Variants in TENM1 observed in about 807,000 individuals in gnomAD.
The protein encoded by TENM1 is teneurin transmembrane protein 1.
In TENM1, 35 loss-of-function variants were observed where a neutral mutation model predicts 174.8. The observed-to-expected ratio is 0.20, with a 90% CI of 0.15 to 0.27. The LOEUF (loss-of-function observed/expected upper bound fraction) is 0.27. Among genes scored for constraint, TENM1 ranks in the 10% least tolerant of loss-of-function variants. The pLI, the probability that TENM1 is intolerant of heterozygous loss-of-function variation, is 1.00. For synonymous variants in TENM1, 781 were observed against 798.7 expected, an observed-to-expected ratio of 0.98 and a Z score of 0.37; for missense variants, 1,633 against 2,130.1, an observed-to-expected ratio of 0.77 and a Z score of 4.59.
At chrX:124,936,816 G>A (rs975111417) in intron 1 of TENM1, among the ~76,000 whole-genome samples, 4 of 111,499 alleles carry the variant, frequency 3.6e-5, no homozygotes, top group African/African-American at 1.3e-4. Context: ...GGAGGCCGAC[G>A]TGGGCAGATC....
At chrX:124,725,901 T>C (rs7059812) in intron 4 of TENM1, among the ~76,000 whole-genome samples, 1,320 of 112,629 alleles carry the variant, frequency 0.012, 21 homozygotes, top group African/African-American at 0.04. Context: ...ATATTTGTTA[T>C]GATTCACTGG....
At position 124,624,995 on chromosome X, in the gene TENM1, A is replaced by G. The variant is rs187490898; in HGVS notation, c.2077+16796T>C. Among the ~76,000 whole-genome samples the G allele has an allele frequency of 4.5e-5, 5 of 111,898 alleles. No individual in the cohort carries two copies. In the East Asian group the frequency reaches 1.1e-3, roughly 25 times the overall value. On this transcript the variant is annotated intron_variant, in intron 11 of 31. Transcript: ENST00000422452. ...GCACCTTTTCCTAAAGTATACTCCA[A>G]AGAACACTGCTATCTGCACACTATA...
chrX:124,418,951 G>A (rs1387920216), intron 25 of TENM1, among the ~76,000 whole-genome samples: 1 of 111,734 alleles, frequency 8.9e-6, no homozygotes, highest in African/African-American at 3.3e-5. Flanking sequence ...TAACTATTTT[G>A]TCCTTCAGTT....
chrX:124,751,389 T>A (rs1011844255), intron 3 of TENM1, among the ~76,000 whole-genome samples: 1 of 111,627 alleles, frequency 9.0e-6, no homozygotes, highest in Non-Finnish European at 1.9e-5. Flanking sequence ...ATTACAACAA[T>A]AGATAATTAT....
the TENM1 span, among the ~76,000 whole-genome samples, chrX:125,084,830 A>G: frequency 9.0e-6 from 1 of 111,359 alleles, no homozygotes; most frequent in Non-Finnish European, 1.9e-5. Flanking sequence ...ACAGCAGAGG[A>G]CTAATTAGAA....
intron 1 of TENM1, among the ~76,000 whole-genome samples, chrX:124,922,666 T>A (rs746773404): frequency 1.5e-4 from 17 of 111,015 alleles, no homozygotes; most frequent in Non-Finnish European, 3.2e-4. Context: ...GTCTTGAAAA[T>A]CCCACATATA....
At chrX:124,871,437 A>T (rs1473576232) in intron 3 of TENM1, among the ~76,000 whole-genome samples, 1 of 111,391 alleles carries the variant, frequency 9.0e-6, no homozygotes, top group African/African-American at 3.3e-5. Flanking sequence ...GATGACTCCA[A>T]GGTTTTTGAC....
the TENM1 span, among the ~76,000 whole-genome samples, chrX:125,194,759 T>A: frequency 8.9e-6 from 1 of 111,861 alleles, no homozygotes; most frequent in Non-Finnish European, 1.9e-5. Context: ...TGGCACTCTC[T>A]TGTCCTAGAT....
At chrX:124,515,305 C>T (rs2047677749) in intron 18 of TENM1, among the ~76,000 whole-genome samples, 1 of 111,738 alleles carries the variant, frequency 8.9e-6, no homozygotes, top group South Asian at 3.8e-4. Flanking sequence ...AGGATGCCCT[C>T]TCTCATCAGT....
At chrX:124,411,633 A>G (rs750047480) in intron 25 of TENM1, among the ~76,000 whole-genome samples, 1 of 111,318 alleles carries the variant, frequency 9.0e-6, no homozygotes, top group East Asian at 2.8e-4. Context: ...GATGCTCAAT[A>G]TGGCCCTGGA....
chrX:124,681,288 T>C (rs1412726694), intron 5 of TENM1, among the ~76,000 whole-genome samples: 1 of 111,583 alleles, frequency 9.0e-6, no homozygotes, highest in Non-Finnish European at 1.9e-5. Flanking sequence ...GATGAAAAAC[T>C]ATGAAACCTT....
At chrX:124,539,825 G>T (rs1271991024) in intron 15 of TENM1, among the ~76,000 whole-genome samples, 2 of 112,018 alleles carry the variant, frequency 1.8e-5, no homozygotes, top group Non-Finnish European at 3.8e-5. Context: ...TTTCTTGCAA[G>T]TCATCAATAG....
intron 11 of TENM1, among the ~76,000 whole-genome samples, chrX:124,594,311 A>C (rs2049836702): frequency 9.0e-6 from 1 of 111,608 alleles, no homozygotes; most frequent in Admixed American, 9.5e-5. Context: ...TTCCCAGAAT[A>C]ATGCTTTTTT....
chrX:124,754,865 G>A (rs1372894220), intron 3 of TENM1, among the ~76,000 whole-genome samples: 56 of 106,381 alleles, frequency 5.3e-4, no homozygotes, highest in Non-Finnish European at 8.2e-4. Flanking sequence ...GTTTGTTATA[G>A]TTTCTGTTCT....
intron 3 of TENM1, among the ~76,000 whole-genome samples, chrX:124,860,343 G>A (rs1031527232): frequency 1.8e-5 from 2 of 111,753 alleles, no homozygotes; most frequent in African/African-American, 6.5e-5. Context: ...CGGCATTAAA[G>A]TTACAAGACC....
intron 25 of TENM1, among the ~76,000 whole-genome samples, chrX:124,414,629 CT>C (rs1280937895): frequency 9.0e-6 from 1 of 111,248 alleles, no homozygotes; most frequent in Non-Finnish European, 1.9e-5. Flanking sequence ...AATTTTGATC[CT>C]GGTCCAAGTC....
At chrX:124,786,910 TA>T (rs2147190032) in intron 3 of TENM1, among the ~76,000 whole-genome samples, 1 of 111,618 alleles carries the variant, frequency 9.0e-6, no homozygotes, top group East Asian at 2.8e-4. Context: ...TAATATGTAA[TA>T]ATAAAAATAT....
At chrX:125,061,000 T>A in the TENM1 span, among the ~76,000 whole-genome samples, 2 of 82,855 alleles carry the variant, frequency 2.4e-5, no homozygotes, top group East Asian at 6.0e-4. Context: ...TCTTGGAGAT[T>A]TTATATATAT....
intron 20 of TENM1, among the ~76,000 whole-genome samples, chrX:124,487,973 A>AAAACAC (rs1432766996): frequency 3.6e-5 from 4 of 112,369 alleles, no homozygotes; most frequent in Non-Finnish European, 7.5e-5. Flanking sequence ...CAACTTCAAT[A>AAAACAC]AAACACATTG....
Sources: gnomAD v4.1 joint callset for allele counts (sites outside exome capture counted in the v4.1 genomes callset) on GRCh38, gnomAD v4.1.1 for gene constraint, MANE v1.5 for transcripts, NCBI Gene and HGNC (gene_info 2026-07-23, HGNC 2026-07-21) for gene names.